The following OPRPN variants were observed in gnomAD, a reference collection of about 807,000 sequenced individuals.
OPRPN encodes opiorphin prepropeptide, also known as basic proline-rich lacrimal protein.
OPRPN carries 1 observed loss-of-function variant against 2.2 expected under a neutral mutation model. The observed-to-expected ratio is 0.45, with a 90% CI of 0.16 to 2.15. The LOEUF (loss-of-function observed/expected upper bound fraction) is 2.15. OPRPN is among the 30% of genes most tolerant of loss of function. The pLI is 0.28. For synonymous variants in OPRPN, 126 were observed against 111.5 expected, an observed-to-expected ratio of 1.13 and a Z score of -0.82; for missense variants, 306 against 297.3, an observed-to-expected ratio of 1.03 and a Z score of -0.21.
chr4:70,404,463 G>A (rs760558003), intron 2 of OPRPN, among the ~76,000 whole-genome samples: 3 of 151,992 alleles, frequency 2.0e-5, no homozygotes, highest in Non-Finnish European at 4.4e-5. Flanking sequence ...TCACCTCCCA[G>A]ATCCACTCCT....
intron 1 of OPRPN, among the ~76,000 whole-genome samples, chr4:70,399,007 T>G (rs1732917446): frequency 1.3e-5 from 2 of 151,772 alleles, no homozygotes; most frequent in South Asian, 4.1e-4. Context: ...TACTTTAATT[T>G]TAAAATGTAC....
At chr4:70,399,189 T>TTATG in intron 1 of OPRPN, 82 bp from the exon 2 acceptor site, 2 of 912,050 alleles carry the variant, frequency 2.2e-6, no homozygotes, top group Non-Finnish European at 3.4e-6. Context: ...ATAACAAGTG[T>TTATG]TAAAATGTTT....
At chr4:70,399,421 C>T (rs1247819485) in intron 2 of OPRPN, 85 bp downstream of exon 2, 16 of 1,161,882 alleles carry the variant, frequency 1.4e-5, no homozygotes, top group Non-Finnish European at 2.0e-5. Flanking sequence ...AGAATTTTGT[C>T]CTGTATATAA....
intron 2 of OPRPN, among the ~76,000 whole-genome samples, chr4:70,406,762 G>T (rs72655141): frequency 0.1 from 15,933 of 152,110 alleles, 977 homozygotes; most frequent in East Asian, 0.2. Flanking sequence ...CTTTTGTTTG[G>T]TTGCAAAGAA....
At chr4:70,407,031 T>G (rs1297590254) in intron 2 of OPRPN, among the ~76,000 whole-genome samples, 1 of 152,082 alleles carries the variant, frequency 6.6e-6, no homozygotes, top group Admixed American at 6.6e-5. Flanking sequence ...CAACCCTGCT[T>G]TTCTCTGTAC....
intron 2 of OPRPN, among the ~76,000 whole-genome samples, chr4:70,400,162 A>G (rs1038748375): frequency 6.6e-6 from 1 of 151,842 alleles, no homozygotes; most frequent in Non-Finnish European, 1.5e-5. Flanking sequence ...TTTCTTAGTA[A>G]TTACTGATAA....
chr4:70,410,171 A>G lies in OPRPN; in HGVS notation c.*96A>G. On this transcript the variant is annotated 3_prime_UTR_variant, in exon 3 of 3. Coordinates refer to ENST00000399575, the MANE Select transcript of OPRPN (RefSeq NM_021225.5). ...GAACCAACCCTGATCTAACCAGCAC[A>G]CTAAATAAAGTATTTGAGCAATAAT... 1.2e-6 allele frequency: 1 copy of G among 863,842 alleles called. No individual in the cohort carries two copies. The highest frequency in any genetic ancestry group is 1.7e-6 in the Non-Finnish European group (1 of 600,304). The allele number at this position is 863,842 out of a possible 1,614,324, so 53.5% of individuals were successfully genotyped here. A position where few individuals can be genotyped will look rare whatever the true frequency, so the allele number is the denominator to read the frequency against.
At chr4:70,402,425 G>A (rs1005360038) in intron 2 of OPRPN, among the ~76,000 whole-genome samples, 2 of 152,076 alleles carry the variant, frequency 1.3e-5, no homozygotes, top group African/African-American at 4.8e-5. Flanking sequence ...CCATGTGCAA[G>A]GAAGGAAATG....
chr4:70,409,848 A>T lies in OPRPN; in HGVS notation c.520A>T (p.Thr174Ser). 6.2e-7 allele frequency: 1 copy of T among 1,613,006 alleles called. No individual in the cohort carries two copies. The highest frequency in any genetic ancestry group is 8.5e-7 in the Non-Finnish European group (1 of 1,179,430). Residue 174 changes from threonine (T) to serine (S), a missense_variant, in exon 3 of 3, where the codon ACG becomes TCG. Transcript: ENST00000399575. ...CAGCACTTCCACAAAACCCACAATGACGATCAGCTCCTCAACAGTACCTAT... is the reference window on the plus strand; with the variant it reads ...CAGCACTTCCACAAAACCCACAATGTCGATCAGCTCCTCAACAGTACCTAT... ...TTSTSTKPTM[T>S]ISSSTVPISS... is the part of the protein sequence containing the mutation.
chr4:70,405,633 C>T (rs1242924740), intron 2 of OPRPN, among the ~76,000 whole-genome samples: 1 of 152,190 alleles, frequency 6.6e-6, no homozygotes, highest in Admixed American at 6.5e-5. Context: ...TACAAACTTC[C>T]ATGACTTTTC....
intron 2 of OPRPN, among the ~76,000 whole-genome samples, chr4:70,401,788 G>T (rs4415022): frequency 6.6e-6 from 1 of 151,916 alleles, no homozygotes; most frequent in African/African-American, 2.4e-5. Flanking sequence ...GTATCTCATG[G>T]TGGACAAGGA....
rs759623206 is a variant in OPRPN at position 70,410,122 on chromosome 4, A to G, written c.*47A>G. The G allele has an allele frequency of 1.4e-6, 2 of 1,395,808 alleles. No homozygotes were observed. The highest frequency in any genetic ancestry group is 4.6e-5 in the Admixed American group (2 of 43,242). 86.5% of individuals were successfully genotyped at this position (1,395,808 alleles called of 1,614,324 possible). The stretch of plus-strand genomic sequence containing the variant: ...CCAAACTGCTCTGATATCTTAGAAG[A>G]AATAAACTGCAATGATTTTGATGGA... On this transcript the variant is annotated 3_prime_UTR_variant, in exon 3 of 3. Coordinates refer to ENST00000399575, the MANE Select transcript of OPRPN (RefSeq NM_021225.5).
At position 70,399,408 on chromosome 4, in the gene OPRPN, C is replaced by A. The variant is rs1314046835; in HGVS notation, c.51+72C>A. 9.1e-6 allele frequency: 12 copies of A among 1,314,128 alleles called. No homozygotes were observed. The Admixed American group carries it at 2.1e-4, about 23-fold the overall frequency. 81.4% of individuals were successfully genotyped at this position (1,314,128 alleles called of 1,614,324 possible). On this transcript the variant is annotated intron_variant, in intron 2 of 2. Transcript: ENST00000399575. ...CATGATTTCAAAGAAAGTTTTGATA[C>A]CAAGAATTTTGTCCTGTATATAAAA...
At chr4:70,402,127 C>T (rs762690609) in intron 2 of OPRPN, among the ~76,000 whole-genome samples, 3 of 152,164 alleles carry the variant, frequency 2.0e-5, no homozygotes, top group Admixed American at 2.0e-4. Flanking sequence ...CGAAGACAGA[C>T]AGTGGTTCTC....
At chr4:70,403,534 G>T (rs1733023937) in intron 2 of OPRPN, among the ~76,000 whole-genome samples, 1 of 152,058 alleles carries the variant, frequency 6.6e-6, no homozygotes, top group Admixed American at 6.5e-5. Context: ...TCATGAGTTT[G>T]CAAAAAATAT....
chr4:70,409,577 T>C lies in OPRPN; in HGVS notation c.249T>C (p.Ile83=), dbSNP rs764665833. 1.4e-5 allele frequency: 22 copies of C among 1,613,716 alleles called. No individual in the cohort carries two copies. The highest frequency in any genetic ancestry group is 2.5e-6 in the Non-Finnish European group (3 of 1,179,822). ...TCTCTCGATTTAGCCAAGCAGTCAT[T>C]CTATCTCAACTCTTTCCATTGGAAT... ...SSFSRFSQAV[I]LSQLFPLESI... is the part of the protein sequence containing the mutation. The change falls in exon 3 of 3, where the codon ATT becomes ATC. Residue 83 remains isoleucine (I), a synonymous_variant. Coordinates refer to ENST00000399575, the MANE Select transcript of OPRPN (RefSeq NM_021225.5).
intron 2 of OPRPN, among the ~76,000 whole-genome samples, chr4:70,403,027 C>A (rs1165516416): frequency 6.6e-6 from 1 of 152,068 alleles, no homozygotes; most frequent in African/African-American, 2.4e-5. Context: ...GATGCCGTCT[C>A]TTCCCACACA....
chr4:70,404,063 A>T (rs1175418744), intron 2 of OPRPN, among the ~76,000 whole-genome samples: 1 of 152,010 alleles, frequency 6.6e-6, no homozygotes, highest in East Asian at 1.9e-4. Context: ...GCCTCTGTAC[A>T]TCTTCACTTC....
In OPRPN at chr4:70,410,181, G is replaced by T. The variant is rs201687402; in HGVS notation, c.*106G>T. On this transcript the variant is annotated 3_prime_UTR_variant, in exon 3 of 3. Coordinates refer to ENST00000399575, the MANE Select transcript of OPRPN (RefSeq NM_021225.5). Reference sequence around the variant, plus strand: ...TGATCTAACCAGCACACTAAATAAAGTATTTGAGCAATAATATGCACCTAT... The same window carrying T: ...TGATCTAACCAGCACACTAAATAAATTATTTGAGCAATAATATGCACCTAT... The T allele has an allele frequency of 4.9e-6, 3 of 607,176 alleles. No homozygotes were observed. In the African/African-American group the frequency reaches 7.0e-5, roughly 14 times the overall value. The allele number at this position is 607,176 out of a possible 1,614,324, so 37.6% of individuals were successfully genotyped here.
Sources: allele counts gnomAD v4.1 joint callset (sites outside exome capture counted in the v4.1 genomes callset), GRCh38; gene constraint gnomAD v4.1.1; transcripts MANE v1.5; gene names NCBI Gene and HGNC (gene_info 2026-07-23, HGNC 2026-07-21).